PHLDB2: variants seen among roughly 807,000 people sequenced by gnomAD.
The protein encoded by PHLDB2 is pleckstrin homology-like domain family B member 2.
A neutral mutation model predicts 123.6 loss-of-function variants in PHLDB2; 71 were observed. The observed-to-expected ratio is 0.57, with a 90% CI of 0.47 to 0.70. The LOEUF is 0.70. PHLDB2 is among the 30% of genes least tolerant of loss of function. The pLI is 0.00. For synonymous variants in PHLDB2, 547 were observed against 541.6 expected (o/e 1.01, Z -0.14); for missense variants, 1,446 against 1,519.5 (o/e 0.95, Z 0.80).
intron 9 of PHLDB2, 128 bp from the exon 10 acceptor site, chr3:111,948,804 A>G: frequency 1.3e-6 from 1 of 779,682 alleles, no homozygotes; most frequent in South Asian, 2.3e-5. Context: ...TTAATGAAAC[A>G]TTTGATAATA....
intron 3 of PHLDB2, chr3:111,914,827 G>T (rs1364773162): frequency 6.6e-6 from 1 of 151,858 alleles, no homozygotes; most frequent in East Asian, 1.9e-4. Flanking sequence ...TCCTTTTGAG[G>T]ATTTGTTAAA....
At chr3:111,918,613 T>A (rs1416863604) in intron 3 of PHLDB2, among the ~76,000 whole-genome samples, 2 of 152,190 alleles carry the variant, frequency 1.3e-5, no homozygotes, top group East Asian at 3.9e-4. Flanking sequence ...CAAGAGGCTT[T>A]TGCAGATGTC....
At chr3:111,946,234 C>A (rs774766) in intron 9 of PHLDB2, among the ~76,000 whole-genome samples, 3,446 of 152,252 alleles carry the variant, frequency 0.023, 129 homozygotes, top group African/African-American at 0.078. Context: ...ATTGGTCAGG[C>A]CAGTCTCAAA....
At chr3:111,840,785 G>A (rs10934112) in intron 1 of PHLDB2, among the ~76,000 whole-genome samples, 22,295 of 152,144 alleles carry the variant, frequency 0.15, 1,848 homozygotes, top group Admixed American at 0.18. Flanking sequence ...ATGACAAGAT[G>A]TCTATACAGA....
intron 2 of PHLDB2, among the ~76,000 whole-genome samples, chr3:111,907,020 A>G (rs746810533): frequency 3.3e-5 from 5 of 152,264 alleles, no homozygotes; most frequent in African/African-American, 4.8e-5. Flanking sequence ...CATAAAGATA[A>G]TTTGTAAAAC....
intron 1 of PHLDB2, among the ~76,000 whole-genome samples, chr3:111,872,339 C>G (rs1350666753): frequency 1.3e-5 from 2 of 152,200 alleles, no homozygotes; most frequent in Non-Finnish European, 2.9e-5. Flanking sequence ...CAGCATAGAT[C>G]AAGAAGACAG....
At chr3:111,894,284 C>T (rs1192578626) in intron 2 of PHLDB2, among the ~76,000 whole-genome samples, 3 of 151,902 alleles carry the variant, frequency 2.0e-5, no homozygotes, top group African/African-American at 7.3e-5. Flanking sequence ...TGTATATGTG[C>T]CACATTTTCT....
intron 6 of PHLDB2, among the ~76,000 whole-genome samples, chr3:111,933,160 A>G (rs1197558092): frequency 6.6e-6 from 1 of 152,178 alleles, no homozygotes; most frequent in Non-Finnish European, 1.5e-5. Flanking sequence ...CAACTGGGTC[A>G]TTTCCTTTGA....
chr3:111,848,555 T>C (rs981387821), intron 2 of PHLDB2, among the ~76,000 whole-genome samples: 1 of 152,206 alleles, frequency 6.6e-6, no homozygotes, highest in Non-Finnish European at 1.5e-5. Context: ...TCAGACCTTA[T>C]CTGGGATTTT....
intron 2 of PHLDB2, among the ~76,000 whole-genome samples, chr3:111,896,315 A>G (rs1398958448): frequency 6.6e-6 from 1 of 151,048 alleles, no homozygotes; most frequent in Non-Finnish European, 1.5e-5. Context: ...TCATCAGCTA[A>G]TAGGTTTAGT....
chr3:111,805,494 G>A (rs1576666340), intron 1 of PHLDB2, among the ~76,000 whole-genome samples: 2 of 150,372 alleles, frequency 1.3e-5, no homozygotes, highest in Non-Finnish European at 2.9e-5. Context: ...CTGGGAGGCG[G>A]AGCTTGCAGT....
At chr3:111,830,680 G>C (rs1314070834) in intron 1 of PHLDB2, among the ~76,000 whole-genome samples, 1 of 146,474 alleles carries the variant, frequency 6.8e-6, no homozygotes, top group Non-Finnish European at 1.5e-5. Context: ...GTAGTGGCGG[G>C]CGCCTGTAGT....
intron 1 of PHLDB2, among the ~76,000 whole-genome samples, chr3:111,759,982 T>C (rs1277486101): frequency 1.3e-5 from 2 of 152,222 alleles, no homozygotes; most frequent in Non-Finnish European, 2.9e-5. Context: ...GAGAAAGCCA[T>C]GTGAAGTTTC....
At chr3:111,908,675 A>C (rs965822480) in intron 2 of PHLDB2, among the ~76,000 whole-genome samples, 2 of 152,174 alleles carry the variant, frequency 1.3e-5, no homozygotes, top group Non-Finnish European at 2.9e-5. Flanking sequence ...GGAAGAGAGG[A>C]GCCATCTTAC....
At chr3:111,915,948 T>A (rs1282719690) in intron 3 of PHLDB2, 1 of 152,214 alleles carries the variant, frequency 6.6e-6, no homozygotes, top group Non-Finnish European at 1.5e-5. Context: ...CCATTGGGCT[T>A]CCTTAGAAAC....
chr3:111,741,309 G>A (rs2059601181), intron 1 of PHLDB2, among the ~76,000 whole-genome samples: 1 of 152,224 alleles, frequency 6.6e-6, no homozygotes, highest in Non-Finnish European at 1.5e-5. Flanking sequence ...GTGAAAAAGG[G>A]AAGAGGGGGC....
At chr3:111,868,440 TG>T (rs1197252407) in intron 1 of PHLDB2, among the ~76,000 whole-genome samples, 2 of 152,150 alleles carry the variant, frequency 1.3e-5, no homozygotes, top group Non-Finnish European at 1.5e-5. Flanking sequence ...CTCTTCCTCT[TG>T]TTTTTTTTTC....
At chr3:111,835,784 C>T (rs1029253640) in intron 1 of PHLDB2, among the ~76,000 whole-genome samples, 10 of 152,198 alleles carry the variant, frequency 6.6e-5, no homozygotes, top group African/African-American at 2.4e-4. Flanking sequence ...ACCAGGAACA[C>T]CTTACATAGT....
chr3:111,891,288 A>G (rs954290647), intron 2 of PHLDB2, among the ~76,000 whole-genome samples: 1 of 152,172 alleles, frequency 6.6e-6, no homozygotes, highest in Admixed American at 6.5e-5. Context: ...TGAGCCAGCA[A>G]AGGTTCATTT....
Sources: gnomAD v4.1 joint callset for allele counts (sites outside exome capture counted in the v4.1 genomes callset) on GRCh38, gnomAD v4.1.1 for gene constraint, MANE v1.5 for transcripts, NCBI Gene and HGNC (gene_info 2026-07-23, HGNC 2026-07-21) for gene names.